The following CWH43 variants were observed in gnomAD, a reference collection of about 807,000 sequenced individuals.
CWH43 encodes the protein PGAP2-interacting protein.
A neutral mutation model predicts 85.7 loss-of-function variants in CWH43; 91 were observed. The ratio of observed to expected loss-of-function variants is 1.06; its 90% CI spans 0.90 to 1.26. CWH43 has a LOEUF of 1.26. CWH43 is among the 50% of genes most tolerant of loss of function. CWH43 has a pLI of 0.00. For missense variants in CWH43, 869 were observed against 839.2 expected (o/e 1.04, Z -0.44); for synonymous variants, 323 against 293.6 (o/e 1.10, Z -1.02).
At chr4:49,051,808 C>T (rs770829283) in intron 15 of CWH43, among the ~76,000 whole-genome samples, 8 of 152,148 alleles carry the variant, frequency 5.3e-5, no homozygotes, top group Non-Finnish European at 8.8e-5. Context: ...AAAGCCTGAC[C>T]TCAGGTGACC....
At chr4:49,020,416 C>CACACACACACACACACACACACATATAT (rs140534523) in intron 9 of CWH43, among the ~76,000 whole-genome samples, 9 of 128,392 alleles carry the variant, frequency 7.0e-5, no homozygotes, top group African/African-American at 2.4e-4. Context: ...CACACACACA[C>CACACACACACACACACACACACATATAT]ATATATATAT....
chr4:49,015,366 C>T (rs1176496276), intron 8 of CWH43, among the ~76,000 whole-genome samples: 2 of 151,960 alleles, frequency 1.3e-5, no homozygotes, highest in African/African-American at 2.4e-5. Flanking sequence ...TCTCTTAGCA[C>T]ATTGAAGATA....
rs1269085800 is a variant in CWH43 at position 49,037,953 on chromosome 4, A to T, written c.1659-83A>T. On this transcript the variant is annotated intron_variant, in intron 12 of 15. Coordinates refer to ENST00000226432, the MANE Select transcript of CWH43 (RefSeq NM_025087.3). ...CTGGGCTTCTTCACTATATGCAGAT[A>T]GTCTTTGGCAACTTAGGTACCTAAG... is the stretch of plus-strand genomic sequence containing the variant. 5.0e-6 allele frequency: 6 copies of T among 1,204,310 alleles called. No individual in the cohort carries two copies. In the South Asian group the frequency reaches 7.7e-5, roughly 15 times the overall value. The allele number at this position is 1,204,310 out of a possible 1,614,324, so 74.6% of individuals were successfully genotyped here. A position where few individuals can be genotyped will look rare whatever the true frequency, so the allele number is the denominator to read the frequency against.
At chr4:49,022,254 A>C (rs543532178) in intron 9 of CWH43, among the ~76,000 whole-genome samples, 1 of 152,142 alleles carries the variant, frequency 6.6e-6, no homozygotes, top group Non-Finnish European at 1.5e-5. Flanking sequence ...GGTTTTAATC[A>C]TAAAGCGACG....
At chr4:49,021,782 T>C (rs1163140761) in intron 9 of CWH43, among the ~76,000 whole-genome samples, 4 of 152,184 alleles carry the variant, frequency 2.6e-5, no homozygotes, top group Non-Finnish European at 5.9e-5. Context: ...TTAAGTATAT[T>C]CCTAAATATT....
At chr4:49,001,949 G>A (rs1286995162) in intron 6 of CWH43, among the ~76,000 whole-genome samples, 5 of 151,940 alleles carry the variant, frequency 3.3e-5, no homozygotes, top group Admixed American at 1.3e-4. Context: ...ACCTTAATTT[G>A]GTAAAGATTT....
chr4:49,005,690 A>G (rs999721441), intron 7 of CWH43, among the ~76,000 whole-genome samples: 1 of 151,046 alleles, frequency 6.6e-6, no homozygotes, highest in Non-Finnish European at 1.5e-5. Flanking sequence ...CCAGGCACAC[A>G]CCACCATGCC....
At chr4:49,010,455 AT>A (rs1783319257) in intron 8 of CWH43, among the ~76,000 whole-genome samples, 2 of 151,422 alleles carry the variant, frequency 1.3e-5, no homozygotes, top group African/African-American at 4.9e-5. Flanking sequence ...TTTTTGAAGG[AT>A]TTTTGTGTCT....
intron 12 of CWH43, among the ~76,000 whole-genome samples, chr4:49,033,283 G>A (rs1784159934): frequency 6.6e-6 from 1 of 152,206 alleles, no homozygotes; most frequent in Non-Finnish European, 1.5e-5. Flanking sequence ...CAGATAGGCA[G>A]AGGAATCTGG....
chr4:49,039,311 A>ATATATATATATATATATATATATATG (rs1560508999), intron 13 of CWH43, among the ~76,000 whole-genome samples: 2 of 26,194 alleles, frequency 7.6e-5, no homozygotes, highest in Non-Finnish European at 1.1e-4. Flanking sequence ...AGACTGATAT[A>ATATATATATATATATATATATATATG]TATATATATA....
chr4:49,051,967 G>A (rs988893256), intron 15 of CWH43, among the ~76,000 whole-genome samples: 6 of 152,118 alleles, frequency 3.9e-5, no homozygotes, highest in Non-Finnish European at 8.8e-5. Context: ...GATAATGAGA[G>A]GAAACTTCTA....
chr4:49,061,569 C>A (rs1027946982), intron 15 of CWH43, among the ~76,000 whole-genome samples: 3 of 152,114 alleles, frequency 2.0e-5, no homozygotes, highest in Non-Finnish European at 4.4e-5. Flanking sequence ...AAGAGAAAAT[C>A]TGGACTTATT....
intron 6 of CWH43, among the ~76,000 whole-genome samples, chr4:49,000,838 GAC>G (rs200841945): frequency 2.0e-4 from 18 of 91,880 alleles, no homozygotes; most frequent in Admixed American, 1.6e-4. Flanking sequence ...TAGCTTTAAA[GAC>G]TCTAAGAAAA....
In CWH43 at chr4:49,014,548, A is replaced by G. The variant is rs181533969; in HGVS notation, c.1187-2701A>G. Among the ~76,000 whole-genome samples the G allele has an allele frequency of 6.0e-3, 904 of 151,678 alleles. 4 individuals are homozygous for G. The highest frequency in any genetic ancestry group is 0.01 in the Admixed American group (158 of 15,238). On this transcript the variant is annotated intron_variant, in intron 8 of 15. Coordinates refer to ENST00000226432, the MANE Select transcript of CWH43 (RefSeq NM_025087.3). ...TTTGTGTGTTTTCTTATGTTTTGGT[A>G]TATCCCTTGAAACAAATAACTAGCA... is the stretch of plus-strand genomic sequence containing the variant.
intron 11 of CWH43, 115 bp downstream of exon 11, chr4:49,031,075 TC>T: frequency 1.0e-6 from 1 of 989,964 alleles, no homozygotes; most frequent in Non-Finnish European, 1.4e-6. Context: ...CAGTGATGCT[TC>T]TTGGGGGATG....
At chr4:48,991,615 A>G in intron 3 of CWH43, 41 bp downstream of exon 3, 1 of 1,602,246 alleles carries the variant, frequency 6.2e-7, no homozygotes, top group Non-Finnish European at 8.5e-7. Flanking sequence ...AAACAAGTAT[A>G]ACCAGTTACC....
rs754034849 is a variant in CWH43, at chr4:48,998,528, G to A, written c.782G>A (p.Gly261Asp). Reference protein sequence around the residue: ...LPSCLWFRGTGLIWWVTGTAS... With the variant: ...LPSCLWFRGTDLIWWVTGTAS... ...TCTTGTTTGTGGTTTCGTGGTACTG[G>A]TTTGATCTGGTGGGTTACAGGTATG... The change falls in exon 6 of 16, where the codon GGT becomes GAT. Residue 261 changes from glycine to aspartate, a missense_variant. This residue lies in a region of CWH43 where 152 missense variants were observed against 203.6 expected (regional missense o/e 0.75). Transcript: ENST00000226432. The A allele has an allele frequency of 6.2e-6, 10 of 1,613,676 alleles. No individual in the cohort carries two copies. In the African/African-American group the frequency reaches 1.2e-4, roughly 19 times the overall value.
chr4:49,022,183 G>T (rs1210940365), intron 9 of CWH43, among the ~76,000 whole-genome samples: 4 of 152,082 alleles, frequency 2.6e-5, no homozygotes, highest in African/African-American at 9.7e-5. Context: ...TTGGCCGTGG[G>T]TTTATAATAA....
At chr4:48,991,699 T>A in intron 3 of CWH43, 125 bp downstream of exon 3, 2 of 1,187,480 alleles carry the variant, frequency 1.7e-6, no homozygotes, top group Non-Finnish European at 2.4e-6. Flanking sequence ...AGTCTCCTTT[T>A]TTTTCCTTTT....
Sources: allele counts gnomAD v4.1 joint callset (sites outside exome capture counted in the v4.1 genomes callset), GRCh38; gene constraint gnomAD v4.1.1; regional missense constraint gnomAD v4.1.1; transcripts MANE v1.5; gene names NCBI Gene and HGNC (gene_info 2026-07-23, HGNC 2026-07-21).